Variants in SPATA46 observed in about 807,000 individuals in gnomAD.
SPATA46 encodes spermatogenesis-associated protein 46.
A neutral mutation model predicts 6.2 loss-of-function variants in SPATA46; 3 were observed. That is an observed-to-expected ratio of 0.48 (90% CI 0.22 to 1.25). SPATA46 has a LOEUF of 1.25. Among genes scored for constraint, SPATA46 ranks in the 50% most tolerant of loss-of-function variants. The pLI is 0.20. For missense variants in SPATA46, 308 were observed against 323.5 expected, an observed-to-expected ratio of 0.95 and a Z score of 0.37; for synonymous variants, 117 against 123.3, an observed-to-expected ratio of 0.95 and a Z score of 0.34.
chr1:162,376,490 C>A, intron 1 of SPATA46, 198 bp downstream of exon 1: 1 of 556,734 alleles, frequency 1.8e-6, no homozygotes, highest in Non-Finnish European at 3.1e-6. Context: ...AAGTTTTCCC[C>A]TTTCTTCCCT....
chr1:162,374,464 C>A lies in SPATA46; in HGVS notation c.370G>T (p.Gly124Cys), dbSNP rs1193013030. 1 of 1,614,100 alleles carries A rather than the reference C, an allele frequency of 6.2e-7. No individual in the cohort carries two copies. Among genetic ancestry groups the A allele is most frequent in the Non-Finnish European group, 8.5e-7 (1 of 1,180,042 alleles). ...TCAGAAAGGCAGTTGTCCCACTTGCCCTCATCCTGCTGCACCTCTGGGAAG... is the reference window on the plus strand; with the variant it reads ...TCAGAAAGGCAGTTGTCCCACTTGCACTCATCCTGCTGCACCTCTGGGAAG... ...YDFPEVQQDE[G>C]KWDNCLSEDM... The change falls in exon 3 of 3, where the codon GGC becomes TGC. Residue 124 changes from glycine (G) to cysteine (C), a missense_variant. Physicochemically the swap from Gly to Cys is radical, Grantham distance 159. Coordinates refer to ENST00000367935, the MANE Select transcript of SPATA46 (RefSeq NM_182581.4).
rs1647546988 is a variant in SPATA46, at chr1:162,374,331, T to C, written c.503A>G (p.Asp168Gly). 3 of 1,614,094 alleles carry C rather than the reference T, an allele frequency of 1.9e-6. No individual in the cohort carries two copies. ...RHGLDSITSQ[D>G]ILMASRWHPA... ...GTGCCACCTGGAAGCCATTAGGATG[T>C]CCTGGGATGTGATGGAGTCCAGGCC... The change falls in exon 3 of 3, where the codon GAC (aspartate) becomes GGC (glycine). Residue 168 changes from aspartate (D) to glycine (G), a missense_variant. By Grantham distance (94) the Asp-to-Gly change is moderately conservative. Transcript: ENST00000367935.
At chr1:162,375,058 C>T (rs1355386768) in intron 2 of SPATA46, among the ~76,000 whole-genome samples, 2 of 152,182 alleles carry the variant, frequency 1.3e-5, no homozygotes, top group Non-Finnish European at 2.9e-5. Context: ...ACGGCCCACT[C>T]AGCCAGAAAC....
Position 162,373,514 on chromosome 1 carries a change from TATACTC to T in SPATA46, c.*528_*533del, listed in dbSNP as rs1368210602. 6.6e-6 allele frequency: 1 copy of T among 152,508 alleles called. No individual in the cohort carries two copies. The highest frequency in any genetic ancestry group is 1.9e-4 in the East Asian group (1 of 5,194). The allele number at this position is 152,508 out of a possible 1,614,324, so 9.4% of individuals were successfully genotyped here. On this transcript the variant is annotated 3_prime_UTR_variant, in exon 3 of 3. Transcript: ENST00000367935. Reference sequence around the variant, plus strand: ...AGCCCCATCTGCCTCTTACCTGCCTTATACTCAGAGGCATATTTTCCTCCACATTCC... The same window carrying T: ...AGCCCCATCTGCCTCTTACCTGCCTTAGAGGCATATTTTCCTCCACATTCC...
At chr1:162,375,174 T>C in intron 2 of SPATA46, 116 bp downstream of exon 2, 1 of 861,316 alleles carries the variant, frequency 1.2e-6, no homozygotes, top group Non-Finnish European at 1.9e-6. Context: ...AGGCTGCAGG[T>C]GACAAGACCG....
At position 162,375,372 on chromosome 1, in the gene SPATA46, T is replaced by A. The variant is rs775931195; in HGVS notation, c.135A>T (p.Ala45=). 5 of 1,614,008 alleles carry A rather than the reference T, an allele frequency of 3.1e-6. No homozygotes were observed. Among genetic ancestry groups the A allele is most frequent in the Non-Finnish European group, 4.2e-6 (5 of 1,180,022 alleles). The stretch of plus-strand genomic sequence containing the variant: ...GTGGCAGGGCCTGAGCTGGGCTGGA[T>A]GCCTCAGTGGGTACTGCTGTCTTTG... ...DIAKTAVPTE[A]SSPAQALPPQ... Residue 45 remains alanine, a synonymous_variant, in exon 2 of 3, where the codon GCA becomes GCT. Coordinates refer to ENST00000367935, the MANE Select transcript of SPATA46 (RefSeq NM_182581.4).
chr1:162,374,336 G>T lies in SPATA46; in HGVS notation c.498C>A (p.Ser166=). The stretch of plus-strand genomic sequence containing the variant: ...ACCTGGAAGCCATTAGGATGTCCTG[G>T]GATGTGATGGAGTCCAGGCCATGCC... The part of the protein sequence containing the change: ...KSRHGLDSIT[S]QDILMASRWH... The change falls in exon 3 of 3, where the codon TCC becomes TCA. Residue 166 remains serine, a synonymous_variant. Coordinates refer to ENST00000367935, the MANE Select transcript of SPATA46 (RefSeq NM_182581.4). 3 of 1,614,182 alleles carry T rather than the reference G, an allele frequency of 1.9e-6. No homozygotes were observed. The highest frequency in any genetic ancestry group is 3.3e-5 in the Admixed American group (2 of 60,026).
At position 162,374,352 on chromosome 1, in the gene SPATA46, AG is replaced by A. The variant is rs1647548902; in HGVS notation, c.481del (p.Leu161TrpfsTer10). ...GATGTCCTGGGATGTGATGGAGTCC[AG>A]GCCATGCCTGGATTTCTTGGTGGCT... ...REATKKSRHG[L>X]DSITSQDILM... On this transcript the variant is annotated frameshift_variant, in exon 3 of 3. Transcript: ENST00000367935. LOFTEE classifies it low-confidence loss of function (END_TRUNC). 4 of 1,614,006 alleles carry A rather than the reference AG, an allele frequency of 2.5e-6. No individual in the cohort carries two copies. The African/African-American group carries it at 5.3e-5, about 22-fold the overall frequency.
At position 162,374,250 on chromosome 1, in the gene SPATA46, A is replaced by G; in HGVS notation, c.584T>C (p.Leu195Pro). The change falls in exon 3 of 3, where the codon CTG becomes CCG. Residue 195 changes from leucine (L) to proline (P), a missense_variant. By Grantham distance (98) the Leu-to-Pro change is moderately conservative (BLOSUM62 -3). Coordinates refer to ENST00000367935, the MANE Select transcript of SPATA46 (RefSeq NM_182581.4). Reference protein sequence around the residue: ...CVACCRMYPTLDFLKSHIKRG... With the variant: ...CVACCRMYPTPDFLKSHIKRG... ...CTTGATGTGGCTCTTGAGGAAGTCCAGGGTGGGGTACATGCGGCAGCAGGC... is the reference window on the plus strand; with the variant it reads ...CTTGATGTGGCTCTTGAGGAAGTCCGGGGTGGGGTACATGCGGCAGCAGGC... 6.2e-7 allele frequency: 1 copy of G among 1,613,914 alleles called. No individual in the cohort carries two copies. Among genetic ancestry groups the G allele is most frequent in the Non-Finnish European group, 8.5e-7 (1 of 1,179,826 alleles).
At position 162,373,946 on chromosome 1, in the gene SPATA46, T is replaced by C; in HGVS notation, c.*102A>G. 1 of 1,217,490 alleles carries C rather than the reference T, an allele frequency of 8.2e-7. No homozygotes were observed. Among genetic ancestry groups the C allele is most frequent in the Non-Finnish European group, 1.1e-6 (1 of 872,764 alleles). 75.4% of individuals were successfully genotyped at this position (1,217,490 alleles called of 1,614,324 possible). A position where few individuals can be genotyped will look rare whatever the true frequency, so the allele number is the denominator to read the frequency against. On this transcript the variant is annotated 3_prime_UTR_variant, in exon 3 of 3. Coordinates refer to ENST00000367935, the MANE Select transcript of SPATA46 (RefSeq NM_182581.4). ...TGTGCCTGGTGTTGCTAGGCAACCA[T>C]TAGCCAAAGGTGATGAGAGCCGGGT...
intron 1 of SPATA46, among the ~76,000 whole-genome samples, chr1:162,375,877 C>A (rs57763199): frequency 0.029 from 4,349 of 152,264 alleles, 216 homozygotes; most frequent in African/African-American, 0.1. Flanking sequence ...GGAGTGCTAA[C>A]ACTTGGACAA....
At chr1:162,375,193 G>T in intron 2 of SPATA46, 97 bp downstream of exon 2, 1 of 1,056,720 alleles carries the variant, frequency 9.5e-7, no homozygotes, top group African/African-American at 1.6e-5. Context: ...CGCGCATGGG[G>T]GTCCAGCTTC....
In SPATA46 at chr1:162,373,667, C is replaced by T. The variant is rs1647505900; in HGVS notation, c.*381G>A. The T allele has an allele frequency of 5.8e-6, 1 of 171,042 alleles. No homozygotes were observed. The highest frequency in any genetic ancestry group is 2.4e-5 in the African/African-American group (1 of 42,036). 10.6% of individuals were successfully genotyped at this position (171,042 alleles called of 1,614,324 possible). Reference sequence around the variant, plus strand: ...GGGGCAAGGACTGACCACATAGGGACCAAGCAGAGGCCAGAATCCTAGAGC... The same window carrying T: ...GGGGCAAGGACTGACCACATAGGGATCAAGCAGAGGCCAGAATCCTAGAGC... On this transcript the variant is annotated 3_prime_UTR_variant, in exon 3 of 3. Coordinates refer to ENST00000367935, the MANE Select transcript of SPATA46 (RefSeq NM_182581.4).
At chr1:162,376,012 AT>A (rs1173933919) in intron 1 of SPATA46, among the ~76,000 whole-genome samples, 1 of 152,176 alleles carries the variant, frequency 6.6e-6, no homozygotes, top group Admixed American at 6.5e-5. Context: ...GTACTTCTCC[AT>A]TTTACTGTGC....
At chr1:162,376,016 T>G (rs1402356058) in intron 1 of SPATA46, among the ~76,000 whole-genome samples, 2 of 152,230 alleles carry the variant, frequency 1.3e-5, no homozygotes, top group African/African-American at 4.8e-5. Context: ...TTCTCCATTT[T>G]ACTGTGCATA....
At chr1:162,374,968 G>A (rs947645587) in intron 2 of SPATA46, among the ~76,000 whole-genome samples, 3 of 152,148 alleles carry the variant, frequency 2.0e-5, no homozygotes, top group African/African-American at 7.2e-5. Context: ...TAGCCAAACC[G>A]GCGGCCTCCC....
chr1:162,374,927 A>C (rs1647596664), intron 2 of SPATA46, among the ~76,000 whole-genome samples: 1 of 152,150 alleles, frequency 6.6e-6, no homozygotes, highest in Non-Finnish European at 1.5e-5. Context: ...TGACTCCTCT[A>C]AGGATAGACA....
At chr1:162,375,864 C>A (rs2101841597) in intron 1 of SPATA46, among the ~76,000 whole-genome samples, 1 of 152,220 alleles carries the variant, frequency 6.6e-6, no homozygotes, top group African/African-American at 2.4e-5. Flanking sequence ...CACGGCACAC[C>A]CTGGAGTGCT....
intron 2 of SPATA46, 152 bp from the exon 3 acceptor site, chr1:162,374,768 G>A (rs164180): frequency 0.23 from 171,788 of 751,648 alleles, 20,560 homozygotes; most frequent in Middle Eastern, 0.3. Context: ...GCAAGACAGT[G>A]GTAAGAGCAG....
Sources: gnomAD v4.1 joint callset for allele counts (sites outside exome capture counted in the v4.1 genomes callset) on GRCh38, gnomAD v4.1.1 for gene constraint, MANE v1.5 for transcripts, NCBI Gene and HGNC (gene_info 2026-07-23, HGNC 2026-07-21) for gene names.